Variants in LHFPL3 observed in about 807,000 individuals in gnomAD.
LHFPL3 encodes the protein LHFPL tetraspan subfamily member 3 protein.
In LHFPL3, 5 loss-of-function variants were observed where a neutral mutation model predicts 19.3. That is an observed-to-expected ratio of 0.26 (90% CI 0.14 to 0.54). The LOEUF is 0.54. Ranked by LOEUF, LHFPL3 falls within the 20% of genes least tolerant of loss-of-function variation. The pLI is 0.94. For synonymous variants in LHFPL3, 133 were observed against 126.2 expected (o/e 1.05, Z -0.36); for missense variants, 249 against 307.4 (o/e 0.81, Z 1.42).
rs933910376 is a variant in LHFPL3 at position 104,830,512 on chromosome 7, A to G, written c.683-75675A>G. On this transcript the variant is annotated intron_variant, in intron 2 of 2. Coordinates refer to ENST00000424859, the MANE Select transcript of LHFPL3 (RefSeq NM_199000.3). ...TCCATCTTGAATTAATTTTTGTATA[A>G]GGTGTAAGGAAGGGATCCAGTTTCA... is the stretch of plus-strand genomic sequence containing the variant. Among the ~76,000 whole-genome samples, 5 of 151,770 alleles carry G rather than the reference A, an allele frequency of 3.3e-5. 1 individual carries two copies. Among genetic ancestry groups the G allele is most frequent in the African/African-American group, 1.2e-4 (5 of 41,134 alleles).
At chr7:104,576,053 A>C (rs1006401165) in intron 1 of LHFPL3, among the ~76,000 whole-genome samples, 3 of 152,182 alleles carry the variant, frequency 2.0e-5, no homozygotes, top group African/African-American at 7.2e-5. Flanking sequence ...TACGTTTGAC[A>C]TTCCTAAGTC....
chr7:104,575,692 C>T (rs1055648354), intron 1 of LHFPL3, among the ~76,000 whole-genome samples: 5 of 151,734 alleles, frequency 3.3e-5, no homozygotes, highest in African/African-American at 1.2e-4. Context: ...GTCACCCAGG[C>T]TGCAGTGCAG....
chr7:104,809,006 C>T (rs1158568732), intron 2 of LHFPL3, among the ~76,000 whole-genome samples: 1 of 151,362 alleles, frequency 6.6e-6, no homozygotes, highest in Non-Finnish European at 1.5e-5. Context: ...AGCAATTCTC[C>T]TCCCTCAGCT....
At chr7:104,830,601 A>G (rs1241921063) in intron 2 of LHFPL3, among the ~76,000 whole-genome samples, 1 of 151,910 alleles carries the variant, frequency 6.6e-6, no homozygotes, top group Non-Finnish European at 1.5e-5. Context: ...TCCTCTCCCC[A>G]TTGCTTGTTT....
chr7:104,875,432 C>T (rs1791919579), intron 2 of LHFPL3, among the ~76,000 whole-genome samples: 1 of 152,176 alleles, frequency 6.6e-6, no homozygotes, highest in Non-Finnish European at 1.5e-5. Flanking sequence ...GGCCTGAGTC[C>T]TTCAATACTT....
chr7:104,490,091 G>C (rs1793313629), intron 1 of LHFPL3, among the ~76,000 whole-genome samples: 1 of 152,106 alleles, frequency 6.6e-6, no homozygotes, highest in African/African-American at 2.4e-5. Flanking sequence ...GTCCTTGTTA[G>C]GCAGTTTTGC....
chr7:104,642,609 T>G (rs1429500832), intron 1 of LHFPL3, among the ~76,000 whole-genome samples: 1 of 152,214 alleles, frequency 6.6e-6, no homozygotes, highest in African/African-American at 2.4e-5. Context: ...TTTTCTCTCC[T>G]TTCTCCTCCT....
At chr7:104,329,355 G>A in intron 1 of LHFPL3, 131 bp downstream of exon 1, 1 of 1,216,936 alleles carries the variant, frequency 8.2e-7, no homozygotes, top group Non-Finnish European at 1.1e-6. Context: ...CAGGCGTCGA[G>A]GTGTGGGGGG....
intron 1 of LHFPL3, among the ~76,000 whole-genome samples, chr7:104,658,808 C>T (rs1297293857): frequency 6.6e-6 from 1 of 152,092 alleles, no homozygotes; most frequent in Non-Finnish European, 1.5e-5. Context: ...AACTAAAAAA[C>T]AAGTCATCTC....
At chr7:104,450,627 A>G (rs1261107029) in intron 1 of LHFPL3, among the ~76,000 whole-genome samples, 1 of 152,102 alleles carries the variant, frequency 6.6e-6, no homozygotes, top group East Asian at 1.9e-4. Flanking sequence ...AATGTAGATG[A>G]CGGGTTGATG....
intron 2 of LHFPL3, among the ~76,000 whole-genome samples, chr7:104,830,677 G>A (rs1181197055): frequency 6.6e-6 from 1 of 151,928 alleles, no homozygotes; most frequent in Non-Finnish European, 1.5e-5. Flanking sequence ...GCTCTGTTCT[G>A]TTCCATTAAT....
chr7:104,329,052 G>T lies in LHFPL3; in HGVS notation c.273G>T (p.Arg91Ser), dbSNP rs1801519422. 6.2e-7 allele frequency: 1 copy of T among 1,613,898 alleles called. No individual in the cohort carries two copies. Among genetic ancestry groups the T allele is most frequent in the African/African-American group, 1.3e-5 (1 of 74,948 alleles). Residue 91 changes from arginine (R) to serine (S), a missense_variant, in exon 1 of 3, where the codon AGG (arginine) becomes AGT (serine). Arg to Ser is a moderately radical substitution (Grantham distance 110). Transcript: ENST00000424859. ...GNGFSRELTC[R>S]GSFTDFSTLP... ...GCTTCTCCCGGGAGCTGACCTGCAG[G>T]GGCAGCTTCACGGACTTCTCCACGC...
At chr7:104,387,040 GT>G (rs1328327571) in intron 1 of LHFPL3, among the ~76,000 whole-genome samples, 1 of 152,144 alleles carries the variant, frequency 6.6e-6, no homozygotes, top group African/African-American at 2.4e-5. Context: ...AAGCCAAAAT[GT>G]TGGACCAATT....
intron 1 of LHFPL3, among the ~76,000 whole-genome samples, chr7:104,521,472 G>A (rs1444326020): frequency 6.6e-6 from 1 of 152,104 alleles, no homozygotes; most frequent in Non-Finnish European, 1.5e-5. Flanking sequence ...CAGGACATAG[G>A]CATGGGCAAG....
chr7:104,458,384 A>G (rs1792589067), intron 1 of LHFPL3, among the ~76,000 whole-genome samples: 1 of 152,148 alleles, frequency 6.6e-6, no homozygotes, highest in Non-Finnish European at 1.5e-5. Context: ...TCCTTTCCCC[A>G]TTGTTTGTTT....
At chr7:104,440,493 G>A (rs949107564) in intron 1 of LHFPL3, among the ~76,000 whole-genome samples, 5 of 151,812 alleles carry the variant, frequency 3.3e-5, no homozygotes, top group Non-Finnish European at 7.4e-5. Context: ...CAGCACACCA[G>A]CATGGCACAT....
intron 2 of LHFPL3, among the ~76,000 whole-genome samples, chr7:104,761,705 C>T (rs939821613): frequency 1.3e-5 from 2 of 152,174 alleles, no homozygotes; most frequent in Non-Finnish European, 2.9e-5. Context: ...GTAGAACAGT[C>T]GTAGAGTGAA....
At chr7:104,482,603 T>C (rs1009883721) in intron 1 of LHFPL3, among the ~76,000 whole-genome samples, 1 of 152,264 alleles carries the variant, frequency 6.6e-6, no homozygotes, top group Non-Finnish European at 1.5e-5. Context: ...TCAGTCATTT[T>C]TCACAAATGG....
rs1229489700 is a variant in LHFPL3, at chr7:104,328,806, C to T, written c.27C>T (p.Ala9=). Reference sequence around the variant, plus strand: ...TGCCCGGAGCCGCCGCCGCTGCCGCCGCCGCCGCCGCCGCGATGCTCCCGG... The same window carrying T: ...TGCCCGGAGCCGCCGCCGCTGCCGCTGCCGCCGCCGCCGCGATGCTCCCGG... The part of the protein sequence containing the change: MPGAAAAA[A]AAAAAMLPAQ... Residue 9 remains alanine, a synonymous_variant, in exon 1 of 3, where the codon GCC becomes GCT. Coordinates refer to ENST00000424859, the MANE Select transcript of LHFPL3 (RefSeq NM_199000.3). This position sits in a 1 kb window ranked among gnomAD's most constrained non-coding sequence, Gnocchi z 4.6. 2.5e-6 allele frequency: 4 copies of T among 1,604,120 alleles called. No homozygotes were observed. Among genetic ancestry groups the T allele is most frequent in the East Asian group, 2.3e-5 (1 of 44,432 alleles).
Sources: gnomAD v4.1 joint callset for allele counts (sites outside exome capture counted in the v4.1 genomes callset) on GRCh38, gnomAD v4.1.1 for gene constraint, Gnocchi (gnomAD v3.1) non-coding constraint, MANE v1.5 for transcripts, NCBI Gene and HGNC (gene_info 2026-07-23, HGNC 2026-07-21) for gene names.